The following KCNJ15 variants were observed in gnomAD, a reference collection of about 807,000 sequenced individuals.
KCNJ15 encodes ATP-sensitive inward rectifier potassium channel 15.
KCNJ15 carries 14 observed loss-of-function variants against 23.0 expected under a neutral mutation model. The observed-to-expected ratio is 0.61, with a 90% CI of 0.40 to 0.95. The LOEUF is 0.95. Ranked by LOEUF, KCNJ15 falls within the 40% of genes least tolerant of loss-of-function variation. The probability of loss-of-function intolerance (pLI) is 0.00; values close to 1 mark genes in which losing one functional copy is unlikely to be tolerated. For missense variants in KCNJ15, 388 were observed against 461.8 expected (o/e 0.84, Z 1.46); for synonymous variants, 185 against 183.2 (o/e 1.01, Z -0.08).
chr21:38,288,033 T>TC (rs1658403789), intron 1 of KCNJ15, among the ~76,000 whole-genome samples: 1 of 70,900 alleles, frequency 1.4e-5, no homozygotes, highest in African/African-American at 5.1e-5. Context: ...TTTCTTTGTT[T>TC]TTTTTTTTTT....
chr21:38,291,924 CTA>C (rs1170720487), intron 1 of KCNJ15, among the ~76,000 whole-genome samples: 1 of 152,220 alleles, frequency 6.6e-6, no homozygotes, highest in Non-Finnish European at 1.5e-5. Context: ...ACTTCAGAGT[CTA>C]TGTGAGAATT....
chr21:38,283,562 G>C (rs896078607), intron 1 of KCNJ15, among the ~76,000 whole-genome samples: 1 of 152,190 alleles, frequency 6.6e-6, no homozygotes, highest in African/African-American at 2.4e-5. Context: ...TGGTGACTCA[G>C]ATTGCTTCTA....
At chr21:38,269,347 A>G (rs906125570) in intron 1 of KCNJ15, among the ~76,000 whole-genome samples, 4 of 152,212 alleles carry the variant, frequency 2.6e-5, no homozygotes, top group Admixed American at 1.3e-4. Context: ...GTTATACCCT[A>G]TAGCCACTCA....
At chr21:38,241,010 A>T (rs1978958563) in intron 1 of KCNJ15, among the ~76,000 whole-genome samples, 1 of 152,246 alleles carries the variant, frequency 6.6e-6, no homozygotes, top group African/African-American at 2.4e-5. Context: ...TGTTCAAATT[A>T]TTGACAGATT....
At chr21:38,280,277 C>T (rs1983178190) in intron 1 of KCNJ15, among the ~76,000 whole-genome samples, 1 of 152,144 alleles carries the variant, frequency 6.6e-6, no homozygotes, top group African/African-American at 2.4e-5. Context: ...CAAGCTGTCT[C>T]AGAAATTAAG....
upstream of KCNJ15, chr21:38,256,758 G>A (rs947684276): frequency 6.6e-6 from 1 of 152,080 alleles, no homozygotes; most frequent in Admixed American, 6.6e-5. Context: ...TGGAGAGCCC[G>A]GACTGGATGC....
At chr21:38,248,304 A>G (rs977710221) in intron 1 of KCNJ15, among the ~76,000 whole-genome samples, 4 of 152,372 alleles carry the variant, frequency 2.6e-5, no homozygotes, top group Admixed American at 2.6e-4. Flanking sequence ...GGGAATACAC[A>G]CATCCTATAA....
intron 1 of KCNJ15, among the ~76,000 whole-genome samples, chr21:38,247,363 T>C (rs949832368): frequency 1.3e-5 from 2 of 151,884 alleles, no homozygotes; most frequent in South Asian, 2.1e-4. Flanking sequence ...GATGGATGGA[T>C]GGATGGATGG....
intron 1 of KCNJ15, among the ~76,000 whole-genome samples, chr21:38,244,406 T>C (rs955209261): frequency 6.6e-6 from 1 of 152,182 alleles, no homozygotes; most frequent in Admixed American, 6.5e-5. Flanking sequence ...CATCCCAGGC[T>C]TGGTGCAGAA....
chr21:38,297,172 C>T (rs1046151771), intron 2 of KCNJ15, 149 bp downstream of exon 2: 1 of 152,404 alleles, frequency 6.6e-6, no homozygotes, highest in African/African-American at 2.4e-5. Context: ...AGGTCTTGTC[C>T]TGTGATTTCT....
chr21:38,277,182 A>G (rs1265476641), intron 1 of KCNJ15, among the ~76,000 whole-genome samples: 1 of 152,154 alleles, frequency 6.6e-6, no homozygotes, highest in African/African-American at 2.4e-5. Flanking sequence ...GGCATCTTTG[A>G]TTTTTGTAAA....
intron 1 of KCNJ15, chr21:38,285,740 G>C (rs1983816436): frequency 6.6e-6 from 1 of 152,314 alleles, no homozygotes; most frequent in South Asian, 2.1e-4. Context: ...CAGAGAGGGA[G>C]CGAGAGCCAG....
At chr21:38,258,040 AT>A (rs939528763) in intron 1 of KCNJ15, among the ~76,000 whole-genome samples, 27 of 152,070 alleles carry the variant, frequency 1.8e-4, no homozygotes, top group African/African-American at 6.3e-4. Context: ...AAATGTTTAG[AT>A]TTATCTTTTT....
At chr21:38,253,912 A>G (rs910081151), upstream of KCNJ15, among the ~76,000 whole-genome samples, 2 of 152,222 alleles carry the variant, frequency 1.3e-5, no homozygotes, top group East Asian at 3.8e-4. Flanking sequence ...CAACTTACTG[A>G]ATAGTCATTT....
At chr21:38,247,556 GGATGGAT>G (rs1979525513) in intron 1 of KCNJ15, among the ~76,000 whole-genome samples, 1 of 145,968 alleles carries the variant, frequency 6.9e-6, no homozygotes, top group African/African-American at 2.7e-5. Context: ...ATGGATGGAT[GGATGGAT>G]GGATGGAAAG....
At chr21:38,298,376 T>C (rs1382387137) in intron 2 of KCNJ15, 1 of 152,250 alleles carries the variant, frequency 6.6e-6, no homozygotes, top group South Asian at 2.1e-4. Context: ...TCTGCTTAGT[T>C]CTAAGGAGTA....
intron 1 of KCNJ15, among the ~76,000 whole-genome samples, chr21:38,290,529 G>A (rs1409489663): frequency 6.6e-6 from 1 of 152,178 alleles, no homozygotes; most frequent in East Asian, 1.9e-4. Context: ...ATAGTAGGGT[G>A]AGAGGAGCAC....
rs1569028104 is a variant in KCNJ15, at chr21:38,305,808, A to G, written c.*5419A>G. The G allele has an allele frequency of 6.6e-6, 1 of 152,250 alleles. No homozygotes were observed. Among genetic ancestry groups the G allele is most frequent in the African/African-American group, 2.4e-5 (1 of 41,468 alleles). 9.4% of individuals were successfully genotyped at this position (152,250 alleles called of 1,614,324 possible). On this transcript the variant is annotated 3_prime_UTR_variant, in exon 3 of 3. Transcript: ENST00000398938. ...ATAATCCCAAACTATGCCCATTTCT[A>G]CAAGAGAAATACATGCCTCTTTATT...
intron 1 of KCNJ15, among the ~76,000 whole-genome samples, chr21:38,261,920 A>G (rs907476984): frequency 6.6e-6 from 1 of 152,192 alleles, no homozygotes; most frequent in Non-Finnish European, 1.5e-5. Context: ...CTTAGTTTCT[A>G]TTAACGCTGT....
Sources: gnomAD v4.1 joint callset for allele counts (sites outside exome capture counted in the v4.1 genomes callset) on GRCh38, gnomAD v4.1.1 for gene constraint, MANE v1.5 for transcripts, NCBI Gene and HGNC (gene_info 2026-07-23, HGNC 2026-07-21) for gene names.